Variants in MEGF11 observed in about 807,000 individuals in gnomAD.
MEGF11 encodes the protein multiple epidermal growth factor-like domains protein 11.
A neutral mutation model predicts 146.6 loss-of-function variants in MEGF11; 126 were observed. That is an observed-to-expected ratio of 0.86 (90% CI 0.74 to 1.00). The LOEUF (loss-of-function observed/expected upper bound fraction) is 1.00. MEGF11 is among the 50% of genes least tolerant of loss of function. The probability of loss-of-function intolerance (pLI) is 0.00; values close to 1 mark genes in which losing one functional copy is unlikely to be tolerated. For missense variants in MEGF11, 1,509 were observed against 1,521.2 expected (o/e 0.99, Z 0.13); for synonymous variants, 532 against 583.4 (o/e 0.91, Z 1.27).
chr15:65,936,418 T>G (rs1217103232), intron 10 of MEGF11, among the ~76,000 whole-genome samples: 1 of 152,186 alleles, frequency 6.6e-6, no homozygotes, highest in Non-Finnish European at 1.5e-5. Context: ...TTAATTGAAA[T>G]GAGATGTTTG....
chr15:65,996,181 C>T (rs1367690134), intron 5 of MEGF11, among the ~76,000 whole-genome samples: 2 of 152,184 alleles, frequency 1.3e-5, no homozygotes, highest in Non-Finnish European at 2.9e-5. Context: ...GACACTAGCA[C>T]TGGATGCTCC....
intron 1 of MEGF11, among the ~76,000 whole-genome samples, chr15:66,204,748 C>T (rs2140104543): frequency 6.6e-6 from 1 of 152,300 alleles, no homozygotes; most frequent in Non-Finnish European, 1.5e-5. Flanking sequence ...TTGGGAAGAC[C>T]ACCGGTCTAG....
intron 1 of MEGF11, among the ~76,000 whole-genome samples, chr15:66,224,952 C>T (rs62009953): frequency 0.21 from 31,903 of 151,982 alleles, 3,754 homozygotes; most frequent in Admixed American, 0.28. Context: ...CCTTCTCTCC[C>T]CTTAGCCCAA....
chr15:66,174,176 T>C (rs1214750749), intron 1 of MEGF11, among the ~76,000 whole-genome samples: 1 of 152,142 alleles, frequency 6.6e-6, no homozygotes, highest in Non-Finnish European at 1.5e-5. Context: ...AGCCTAAAAG[T>C]CATCAGCAAA....
At chr15:66,246,845 G>C (rs955196873) in intron 1 of MEGF11, among the ~76,000 whole-genome samples, 3 of 152,054 alleles carry the variant, frequency 2.0e-5, no homozygotes, top group African/African-American at 7.2e-5. Flanking sequence ...CTAATCAGGA[G>C]ATGAAACGTG....
At chr15:66,007,312 T>A (rs1169776670) in intron 5 of MEGF11, among the ~76,000 whole-genome samples, 5 of 152,200 alleles carry the variant, frequency 3.3e-5, no homozygotes, top group African/African-American at 1.2e-4. Context: ...AAGTCACACA[T>A]TTATACCACA....
chr15:66,006,228 G>T (rs986654104), intron 5 of MEGF11, among the ~76,000 whole-genome samples: 1 of 152,150 alleles, frequency 6.6e-6, no homozygotes, highest in African/African-American at 2.4e-5. Flanking sequence ...TCAGGAGCCC[G>T]GGGCTCTGGC....
At chr15:66,201,604 C>A (rs1268309573) in intron 1 of MEGF11, among the ~76,000 whole-genome samples, 1 of 151,950 alleles carries the variant, frequency 6.6e-6, no homozygotes, top group South Asian at 2.1e-4. Flanking sequence ...GATGGCACCT[C>A]TCCCTGCCGA....
chr15:65,898,384 A>G, intron 25 of MEGF11: 1 of 985,404 alleles, frequency 1.0e-6, no homozygotes, highest in Non-Finnish European at 1.2e-6. Flanking sequence ...GGTGATTTAG[A>G]GACTTGTTGA....
At position 66,010,090 on chromosome 15, in the gene MEGF11, G is replaced by C. The variant is rs573015506; in HGVS notation, c.395-27602C>G. On this transcript the variant is annotated intron_variant, in intron 5 of 25. Transcript: ENST00000395614. ...ATAGAGAATGGGTGTCCAGTGTTTT[G>C]GCTTCCCAGGGCCACATTGGAAGAA... is the stretch of plus-strand genomic sequence containing the variant. 1.3e-3 allele frequency among the ~76,000 whole-genome samples: 194 copies of C among 150,494 alleles called. No homozygotes were observed. In the Middle Eastern group the frequency reaches 0.021, roughly 16 times the overall value.
chr15:66,146,847 C>A (rs1293567297), intron 1 of MEGF11, among the ~76,000 whole-genome samples: 1 of 152,216 alleles, frequency 6.6e-6, no homozygotes, highest in Non-Finnish European at 1.5e-5. Context: ...AGGTAGGCAC[C>A]TTCTCAGGGG....
At chr15:66,155,994 A>G (rs773261414) in intron 1 of MEGF11, among the ~76,000 whole-genome samples, 1 of 152,110 alleles carries the variant, frequency 6.6e-6, no homozygotes, top group Non-Finnish European at 1.5e-5. Context: ...GCTGCTTCCC[A>G]TCTGGGACCC....
Position 65,970,616 on chromosome 15 carries a change from TG to T in MEGF11, c.835del (p.His279MetfsTer8). On this transcript the variant is annotated frameshift_variant, in exon 8 of 26. Coordinates refer to ENST00000395614, the MANE Select transcript of MEGF11 (RefSeq NM_001385028.1). LOFTEE classifies it high-confidence loss of function. ...QNCSQDCPCH[H>X]GGQCDHVTGQ... ...AGTCACGTGGTCACACTGCCCTCCA[TG>T]GTGGCAAGGACAATCCTGGCTGCAG... The T allele has an allele frequency of 6.2e-7, 1 of 1,613,864 alleles. No homozygotes were observed. Among genetic ancestry groups the T allele is most frequent in the Non-Finnish European group, 8.5e-7 (1 of 1,179,826 alleles).
At chr15:66,030,351 C>T (rs1253496215) in intron 5 of MEGF11, among the ~76,000 whole-genome samples, 1 of 152,208 alleles carries the variant, frequency 6.6e-6, no homozygotes, top group Non-Finnish European at 1.5e-5. Flanking sequence ...ATATCCCATA[C>T]ATGTTGTATA....
chr15:66,237,201 G>A (rs1038189365), intron 1 of MEGF11, among the ~76,000 whole-genome samples: 2 of 152,136 alleles, frequency 1.3e-5, no homozygotes, highest in Non-Finnish European at 2.9e-5. Flanking sequence ...CCTGGGTGAA[G>A]CCTGGATGAA....
intron 1 of MEGF11, among the ~76,000 whole-genome samples, chr15:66,213,750 T>G (rs938684405): frequency 2.6e-4 from 40 of 151,896 alleles, no homozygotes; most frequent in Non-Finnish European, 4.9e-4. Flanking sequence ...TTTAATTAAT[T>G]TTAATTTAAA....
chr15:66,069,672 A>T, intron 5 of MEGF11, among the ~76,000 whole-genome samples: 1 of 152,188 alleles, frequency 6.6e-6, no homozygotes, highest in East Asian at 1.9e-4. Context: ...TTATAGTATC[A>T]TCCTAGGTGA....
chr15:66,111,090 C>A (rs1444949698), intron 4 of MEGF11, among the ~76,000 whole-genome samples: 1 of 152,156 alleles, frequency 6.6e-6, no homozygotes, highest in East Asian at 1.9e-4. Flanking sequence ...GCCACTTATC[C>A]ATGTGGACAA....
intron 5 of MEGF11, among the ~76,000 whole-genome samples, chr15:66,047,757 G>A (rs1452464134): frequency 2.6e-5 from 4 of 152,152 alleles, no homozygotes; most frequent in Admixed American, 6.5e-5. Context: ...TGGGCCGAGC[G>A]GCTCTTGCAA....
Sources: gnomAD v4.1 joint callset for allele counts (sites outside exome capture counted in the v4.1 genomes callset) on GRCh38, gnomAD v4.1.1 for gene constraint, MANE v1.5 for transcripts, NCBI Gene and HGNC (gene_info 2026-07-23, HGNC 2026-07-21) for gene names.